The following INTS9 variants were observed in gnomAD, a reference collection of about 807,000 sequenced individuals.
INTS9 encodes the protein integrator complex subunit 9, also known as protein related to CPSF subunits of 74 kDa.
A neutral mutation model predicts 79.7 loss-of-function variants in INTS9; 55 were observed. The ratio of observed to expected loss-of-function variants is 0.69; its 90% CI spans 0.56 to 0.86. The LOEUF is 0.86. Among genes scored for constraint, INTS9 ranks in the 40% least tolerant of loss-of-function variants. INTS9 has a pLI of 0.00. For synonymous variants in INTS9, 319 were observed against 325.2 expected, an observed-to-expected ratio of 0.98 and a Z score of 0.20; for missense variants, 721 against 831.5, an observed-to-expected ratio of 0.87 and a Z score of 1.64.
At chr8:28,774,844 C>T (rs754709402) in intron 14 of INTS9, among the ~76,000 whole-genome samples, 1 of 152,204 alleles carries the variant, frequency 6.6e-6, no homozygotes, top group Non-Finnish European at 1.5e-5. Context: ...GGAGAGGCCG[C>T]GTCCCTCTCT....
At chr8:28,792,890 G>C (rs1803994948) in intron 10 of INTS9, among the ~76,000 whole-genome samples, 1 of 145,924 alleles carries the variant, frequency 6.9e-6, no homozygotes, top group Non-Finnish European at 1.5e-5. Flanking sequence ...TCCAGCCTGG[G>C]CAACAGAGCA....
chr8:28,870,034 G>A (rs1808986042), intron 1 of INTS9, among the ~76,000 whole-genome samples: 1 of 152,072 alleles, frequency 6.6e-6, no homozygotes, highest in Non-Finnish European at 1.5e-5. Context: ...GGCGAGGGAA[G>A]GAAAACAGGT....
At chr8:28,812,672 G>A (rs544665949) in intron 7 of INTS9, among the ~76,000 whole-genome samples, 57 of 152,354 alleles carry the variant, frequency 3.7e-4, no homozygotes, top group African/African-American at 1.3e-3. Context: ...GGGCAACATG[G>A]TGAAACCCTG....
At chr8:28,865,243 A>C (rs1020002011) in intron 1 of INTS9, among the ~76,000 whole-genome samples, 5 of 151,966 alleles carry the variant, frequency 3.3e-5, no homozygotes, top group African/African-American at 1.2e-4. Flanking sequence ...AACTGTGCAG[A>C]TATAAAATTT....
intron 6 of INTS9, among the ~76,000 whole-genome samples, chr8:28,833,896 A>G (rs1412913862): frequency 4.6e-5 from 7 of 152,054 alleles, no homozygotes; most frequent in Admixed American, 4.6e-4. Context: ...TCCTTACTTC[A>G]TCTCTTTCAG....
intron 6 of INTS9, among the ~76,000 whole-genome samples, chr8:28,834,676 GTT>G (rs35112754): frequency 2.4e-4 from 32 of 134,096 alleles, no homozygotes; most frequent in Admixed American, 4.4e-4. Flanking sequence ...GCAAACATCT[GTT>G]TTTTTTTTTT....
intron 6 of INTS9, among the ~76,000 whole-genome samples, chr8:28,818,733 G>A (rs1486235145): frequency 6.6e-6 from 1 of 151,930 alleles, no homozygotes; most frequent in Non-Finnish European, 1.5e-5. Flanking sequence ...AATGGTACCA[G>A]TTCCGCCTTG....
chr8:28,817,439 AG>A (rs1237136083), intron 6 of INTS9, among the ~76,000 whole-genome samples: 1 of 152,000 alleles, frequency 6.6e-6, no homozygotes, highest in African/African-American at 2.4e-5. Flanking sequence ...TGTTTTTCTC[AG>A]GTTTGTCAAA....
chr8:28,844,235 C>T (rs1739863641), intron 4 of INTS9, among the ~76,000 whole-genome samples: 1 of 152,180 alleles, frequency 6.6e-6, no homozygotes, highest in South Asian at 2.1e-4. Context: ...TGTTGATGTG[C>T]ATAGTTTTGA....
chr8:28,812,558 A>T, intron 7 of INTS9, 97 bp from the exon 8 acceptor site: 1 of 1,342,712 alleles, frequency 7.4e-7, no homozygotes, highest in Non-Finnish European at 1.0e-6. Flanking sequence ...TCCTCAGTTT[A>T]AAAACAAAAA....
rs867416838 is a variant in INTS9, at chr8:28,805,583, A to C, written c.744+6744T>G. Among the ~76,000 whole-genome samples, 9 of 152,300 alleles carry C rather than the reference A, an allele frequency of 5.9e-5. No homozygotes were observed. In the South Asian group the frequency reaches 1.7e-3, roughly 28 times the overall value. On this transcript the variant is annotated intron_variant, in intron 8 of 16. Coordinates refer to ENST00000521022, the MANE Select transcript of INTS9 (RefSeq NM_018250.4). ...TTCACCACCGTATTATGTATGTTCTAAACGACCCAGAACTAAAATTCTAGA... is the reference window on the plus strand; with the variant it reads ...TTCACCACCGTATTATGTATGTTCTCAACGACCCAGAACTAAAATTCTAGA...
At chr8:28,819,116 C>G (rs960934658) in intron 6 of INTS9, among the ~76,000 whole-genome samples, 2 of 152,106 alleles carry the variant, frequency 1.3e-5, no homozygotes, top group East Asian at 3.9e-4. Flanking sequence ...CTTGGATTCA[C>G]TAATTTTTGG....
intron 11 of INTS9, among the ~76,000 whole-genome samples, chr8:28,781,598 T>G (rs1803271133): frequency 6.6e-6 from 1 of 152,128 alleles, no homozygotes; most frequent in Non-Finnish European, 1.5e-5. Flanking sequence ...AATGGAATAT[T>G]ATTCAGCCCT....
At position 28,878,978 on chromosome 8, in the gene INTS9, C is replaced by CA. The variant is rs34599728; in HGVS notation, c.9+10895dup. ...TGGGTGACAGAGTGAGACTTCGTCT[C>CA]AAAAAAAAAAAAAATTAAAGAGGAA... is the stretch of plus-strand genomic sequence containing the variant. On this transcript the variant is annotated intron_variant, in intron 1 of 16. Transcript: ENST00000521022. 5.1e-3 allele frequency among the ~76,000 whole-genome samples: 726 copies of CA among 143,462 alleles called. 2 individuals carry two copies. Among genetic ancestry groups the CA allele is most frequent in the African/African-American group, 0.018 (698 of 38,984 alleles). The allele number at this position is 143,462 out of a possible 152,430, so 94.1% of individuals were successfully genotyped here.
At chr8:28,840,848 G>T (rs191721560) in intron 4 of INTS9, among the ~76,000 whole-genome samples, 2 of 149,962 alleles carry the variant, frequency 1.3e-5, no homozygotes, top group Admixed American at 6.7e-5. Flanking sequence ...GCTAAATGAC[G>T]AGTTAATGGG....
At chr8:28,783,871 A>C (rs1346144836) in intron 11 of INTS9, 2 of 152,220 alleles carry the variant, frequency 1.3e-5, no homozygotes, top group African/African-American at 4.8e-5. Context: ...GTATCCTAAG[A>C]TGTCAAGATG....
intron 12 of INTS9, among the ~76,000 whole-genome samples, chr8:28,778,375 CAA>C (rs1803022822): frequency 1.3e-5 from 2 of 152,188 alleles, no homozygotes; most frequent in Non-Finnish European, 2.9e-5. Flanking sequence ...TATATAGTTT[CAA>C]AGAGTCCCCC....
chr8:28,871,273 A>C (rs1015563336), intron 1 of INTS9, among the ~76,000 whole-genome samples: 5 of 152,178 alleles, frequency 3.3e-5, no homozygotes, highest in Admixed American at 1.3e-4. Flanking sequence ...TACTTACTGG[A>C]GGAACTAGTT....
At chr8:28,822,792 G>T (rs1805915079) in intron 6 of INTS9, among the ~76,000 whole-genome samples, 1 of 152,148 alleles carries the variant, frequency 6.6e-6, no homozygotes, top group Non-Finnish European at 1.5e-5. Flanking sequence ...ATCTAATGTA[G>T]ATTTCTATCA....
Sources: allele counts gnomAD v4.1 joint callset (sites outside exome capture counted in the v4.1 genomes callset), GRCh38; gene constraint gnomAD v4.1.1; transcripts MANE v1.5; gene names NCBI Gene and HGNC (gene_info 2026-07-23, HGNC 2026-07-21).